MTUS2: variants seen among roughly 807,000 people sequenced by gnomAD.
The protein encoded by MTUS2 is microtubule-associated tumor suppressor candidate 2.
In MTUS2, 40 loss-of-function variants were observed where a neutral mutation model predicts 114.1. The observed-to-expected ratio is 0.35, with a 90% CI of 0.27 to 0.46. The LOEUF (loss-of-function observed/expected upper bound fraction) is 0.46, where lower values mean the gene tolerates loss of function less well. Among genes scored for constraint, MTUS2 ranks in the 20% least tolerant of loss-of-function variants. The pLI is 1.00. For synonymous variants in MTUS2, 688 were observed against 672.0 expected, an observed-to-expected ratio of 1.02 and a Z score of -0.37; for missense variants, 1,679 against 1,705.4, an observed-to-expected ratio of 0.98 and a Z score of 0.27.
chr13:29,498,117 A>G (rs1046312566), intron 13 of MTUS2, among the ~76,000 whole-genome samples: 2 of 152,214 alleles, frequency 1.3e-5, no homozygotes, highest in Non-Finnish European at 2.9e-5. Flanking sequence ...TTTCTACCCC[A>G]TGAATTCCCT....
intron 8 of MTUS2, among the ~76,000 whole-genome samples, chr13:29,433,813 T>C (rs1306942820): frequency 6.6e-6 from 1 of 152,230 alleles, no homozygotes; most frequent in Non-Finnish European, 1.5e-5. Context: ...AAAGCAATAA[T>C]GTTTCTGAGA....
At chr13:28,908,531 C>T (rs1399881380) in intron 2 of MTUS2, among the ~76,000 whole-genome samples, 6 of 151,368 alleles carry the variant, frequency 4.0e-5, no homozygotes, top group Admixed American at 3.9e-4. Context: ...TTTCTTAATC[C>T]AGTCTATCAT....
At chr13:29,428,109 T>C (rs1876681794) in intron 8 of MTUS2, among the ~76,000 whole-genome samples, 1 of 152,216 alleles carries the variant, frequency 6.6e-6, no homozygotes, top group South Asian at 2.1e-4. Context: ...GGCAAGCGAC[T>C]TCACAGTTAT....
At chr13:29,104,090 G>A (rs892484039) in intron 5 of MTUS2, among the ~76,000 whole-genome samples, 5 of 152,132 alleles carry the variant, frequency 3.3e-5, no homozygotes, top group African/African-American at 4.8e-5. Flanking sequence ...CATAGAGTCC[G>A]CATCCACCCT....
chr13:28,971,545 T>C (rs1422798981), intron 2 of MTUS2, among the ~76,000 whole-genome samples: 1 of 152,176 alleles, frequency 6.6e-6, no homozygotes, highest in Non-Finnish European at 1.5e-5. Flanking sequence ...AAGAGCTATA[T>C]AAAAATGGAA....
At chr13:29,440,231 G>A (rs775336851) in intron 9 of MTUS2, among the ~76,000 whole-genome samples, 182 bp downstream of exon 9, 3 of 152,176 alleles carry the variant, frequency 2.0e-5, no homozygotes, top group South Asian at 2.1e-4. Context: ...TAATTTTCAC[G>A]TCTCCGTTGT....
intron 5 of MTUS2, among the ~76,000 whole-genome samples, chr13:29,215,764 G>C (rs1282644614): frequency 1.3e-5 from 2 of 152,070 alleles, no homozygotes; most frequent in Admixed American, 6.5e-5. Flanking sequence ...ATCCCAGAGG[G>C]GCACCTGCCA....
chr13:29,503,286 G>T lies in MTUS2; in HGVS notation c.*80G>T. On this transcript the variant is annotated 3_prime_UTR_variant, in exon 16 of 16. Coordinates refer to ENST00000612955, the MANE Select transcript of MTUS2 (RefSeq NM_001033602.4). Reference sequence around the variant, plus strand: ...GAGGGAGCACCGACCCGGTGCCGCCGGAGCTGGCCCTGTGCGCATGCTCAG... The same window carrying T: ...GAGGGAGCACCGACCCGGTGCCGCCTGAGCTGGCCCTGTGCGCATGCTCAG... 2.6e-6 allele frequency: 4 copies of T among 1,517,732 alleles called. No homozygotes were observed. Among genetic ancestry groups the T allele is most frequent in the Non-Finnish European group, 3.6e-6 (4 of 1,110,168 alleles). The allele number at this position is 1,517,732 out of a possible 1,614,324, so 94.0% of individuals were successfully genotyped here. A position where few individuals can be genotyped will look rare whatever the true frequency, so the allele number is the denominator to read the frequency against.
intron 2 of MTUS2, among the ~76,000 whole-genome samples, chr13:28,935,006 GTTTTTTTTTTTTTTTT>G (rs775863792): frequency 2.4e-5 from 1 of 41,448 alleles, no homozygotes; most frequent in Admixed American, 3.0e-4. Flanking sequence ...TCTCCATAGC[GTTTTTTTTTTTTTTTT>G]TTTTTTTTTT....
At chr13:29,199,032 C>T (rs1894824373) in intron 5 of MTUS2, among the ~76,000 whole-genome samples, 1 of 152,146 alleles carries the variant, frequency 6.6e-6, no homozygotes, top group South Asian at 2.1e-4. Context: ...GACTTCCTCT[C>T]TTCCTGTTCA....
In MTUS2 at chr13:29,318,839, G is replaced by A. The variant is rs1375949899; in HGVS notation, c.2807-5774G>A. On this transcript the variant is annotated intron_variant, in intron 6 of 15. Coordinates refer to ENST00000612955, the MANE Select transcript of MTUS2 (RefSeq NM_001033602.4). ...GCAGCACCCACCCCTGTAGGCTTTT[G>A]AGATGCTTCTTGCTACACTATGGCG... 3.3e-5 allele frequency among the ~76,000 whole-genome samples: 5 copies of A among 152,150 alleles called. No individual in the cohort carries two copies. In the East Asian group the frequency reaches 9.6e-4, roughly 29 times the overall value.
chr13:29,027,708 C>T (rs911351861), intron 3 of MTUS2, among the ~76,000 whole-genome samples: 5 of 152,252 alleles, frequency 3.3e-5, no homozygotes, highest in Admixed American at 1.3e-4. Context: ...CCCGCCACCG[C>T]GCCTGGCTAC....
chr13:29,306,666 A>T (rs575407717), intron 6 of MTUS2: 2 of 227,282 alleles, frequency 8.8e-6, no homozygotes, highest in African/African-American at 4.6e-5. Context: ...AAAACATTCC[A>T]GGCTCATGGA....
intron 2 of MTUS2, among the ~76,000 whole-genome samples, chr13:28,962,097 A>C (rs1029579109): frequency 9.2e-5 from 14 of 151,512 alleles, no homozygotes; most frequent in Non-Finnish European, 1.8e-4. Context: ...TATACATATA[A>C]AATGAAGATA....
chr13:29,171,230 T>C (rs1893548369), intron 5 of MTUS2, among the ~76,000 whole-genome samples: 1 of 152,162 alleles, frequency 6.6e-6, no homozygotes, highest in South Asian at 2.1e-4. Context: ...ACAAGAACCA[T>C]TTTTTGTTCA....
chr13:29,233,183 A>C (rs779235744), intron 5 of MTUS2, among the ~76,000 whole-genome samples: 1 of 151,818 alleles, frequency 6.6e-6, no homozygotes, highest in Non-Finnish European at 1.5e-5. Context: ...ATGTAGTTGG[A>C]TGATTGCTTA....
intron 2 of MTUS2, among the ~76,000 whole-genome samples, chr13:28,909,225 A>G (rs1021536119): frequency 2.6e-5 from 4 of 151,488 alleles, no homozygotes; most frequent in Admixed American, 6.6e-5. Flanking sequence ...AATTCTGTGT[A>G]GCAAGTCATT....
In MTUS2 at chr13:29,026,048, G is replaced by A; in HGVS notation, c.1350G>A (p.Leu450=). 6.2e-7 allele frequency: 1 copy of A among 1,614,004 alleles called. No individual in the cohort carries two copies. The highest frequency in any genetic ancestry group is 1.1e-5 in the South Asian group (1 of 91,080). ...ATAATCTGACTGACAGCAAGCCCTT[G>A]GATGTCATTGAGGAGGAAAGGCGGT... ...IPNNLTDSKP[L]DVIEEERRLG... The change falls in exon 3 of 16, where the codon TTG becomes TTA. Residue 450 remains leucine (L), a synonymous_variant. Coordinates refer to ENST00000612955, the MANE Select transcript of MTUS2 (RefSeq NM_001033602.4).
intron 2 of MTUS2, among the ~76,000 whole-genome samples, chr13:28,903,898 T>C (rs1879809438): frequency 2.0e-5 from 3 of 152,152 alleles, no homozygotes; most frequent in Admixed American, 2.0e-4. Context: ...AGTGTTCCTA[T>C]TTCTCCACAT....
Sources: gnomAD v4.1 joint callset for allele counts (sites outside exome capture counted in the v4.1 genomes callset) on GRCh38, gnomAD v4.1.1 for gene constraint, MANE v1.5 for transcripts, NCBI Gene and HGNC (gene_info 2026-07-23, HGNC 2026-07-21) for gene names.